MAP3K4: variants seen among roughly 807,000 people sequenced by gnomAD.
MAP3K4 encodes MAP three kinase 1.
Under a neutral mutation model 185.6 loss-of-function variants are expected in MAP3K4, and 67 were observed. The observed-to-expected ratio is 0.36, with a 90% CI of 0.30 to 0.44. The LOEUF (loss-of-function observed/expected upper bound fraction) is 0.44. Ranked by LOEUF, MAP3K4 falls within the 20% of genes least tolerant of loss-of-function variation. The pLI is 1.00. For missense variants in MAP3K4, 1,551 were observed against 1,995.1 expected (o/e 0.78, Z 4.24); for synonymous variants, 702 against 710.4 (o/e 0.99, Z 0.19).
intron 1 of MAP3K4, among the ~76,000 whole-genome samples, chr6:161,024,150 C>G (rs1782531219): frequency 6.6e-6 from 1 of 151,894 alleles, no homozygotes; most frequent in Non-Finnish European, 1.5e-5. Flanking sequence ...TGTTTTTTTG[C>G]AGAGATTTGT....
At chr6:161,041,942 G>GTTT (rs1783485799) in intron 2 of MAP3K4, among the ~76,000 whole-genome samples, 1 of 88,814 alleles carries the variant, frequency 1.1e-5, no homozygotes, top group Non-Finnish European at 2.0e-5. Context: ...TTTTTTTTTA[G>GTTT]AGATGGGGTC....
chr6:161,104,430 A>C (rs1332394647), intron 19 of MAP3K4, among the ~76,000 whole-genome samples: 1 of 151,192 alleles, frequency 6.6e-6, no homozygotes, highest in Non-Finnish European at 1.5e-5. Context: ...AAAAAAAAAA[A>C]AAAGCAGGCA....
Position 160,991,913 on chromosome 6 carries a change from T to C in MAP3K4, c.-19T>C. ...TGCAGCTTACTGCCCGCCGCGGCCA[T>C]GCGGGGCTCCGTGCACGGATGAGAG... On this transcript the variant is annotated 5_prime_UTR_variant, in exon 1 of 27. The change abolishes an upstream ATG in the 5' untranslated region. Coordinates refer to ENST00000392142, the MANE Select transcript of MAP3K4 (RefSeq NM_005922.4). The surrounding 1 kb of genome is among the most constrained non-coding windows in gnomAD (Gnocchi z 5.7). 1 of 1,509,772 alleles carries C rather than the reference T, an allele frequency of 6.6e-7. No homozygotes were observed. Among genetic ancestry groups the C allele is most frequent in the Non-Finnish European group, 8.8e-7 (1 of 1,137,452 alleles). 93.5% of individuals were successfully genotyped at this position (1,509,772 alleles called of 1,614,324 possible). A position where few individuals can be genotyped will look rare whatever the true frequency, so the allele number is the denominator to read the frequency against.
chr6:161,079,214 A>AAG (rs1241701127), intron 5 of MAP3K4, among the ~76,000 whole-genome samples: 1 of 53,216 alleles, frequency 1.9e-5, no homozygotes, highest in African/African-American at 8.5e-5. Context: ...ACCCTGTCTC[A>AAG]AGAAAAAAAA....
chr6:161,099,037 C>G (rs1777713188), intron 17 of MAP3K4, among the ~76,000 whole-genome samples: 1 of 152,140 alleles, frequency 6.6e-6, no homozygotes. Context: ...GTAGGTTTTC[C>G]CATTCTGGTT....
chr6:161,099,403 T>C (rs1450099917), intron 17 of MAP3K4, among the ~76,000 whole-genome samples: 1 of 152,214 alleles, frequency 6.6e-6, no homozygotes, highest in Non-Finnish European at 1.5e-5. Context: ...TAATTAATAC[T>C]TCTAAATTTT....
intron 4 of MAP3K4, among the ~76,000 whole-genome samples, chr6:161,072,291 A>G (rs940685478): frequency 2.6e-5 from 4 of 152,242 alleles, no homozygotes; most frequent in African/African-American, 9.6e-5. Flanking sequence ...AAAAAAAGAT[A>G]AAAAATCAAA....
At chr6:161,057,470 A>G (rs1475460952) in intron 3 of MAP3K4, among the ~76,000 whole-genome samples, 2 of 152,218 alleles carry the variant, frequency 1.3e-5, no homozygotes, top group Non-Finnish European at 2.9e-5. Flanking sequence ...TTTATCCTAC[A>G]TGGTTTCGAA....
At position 161,007,021 on chromosome 6, in the gene MAP3K4, A is replaced by G. The variant is rs1781620225; in HGVS notation, c.152+14938A>G. ...AACTGTAAAATCAAAAGTAACCAGC[A>G]ACAGAAATAAAGCAAATCTCAGAGT... On this transcript the variant is annotated intron_variant, in intron 1 of 26. Transcript: ENST00000392142. This position sits in a 1 kb window ranked among gnomAD's most constrained non-coding sequence, Gnocchi z 4.5. Among the ~76,000 whole-genome samples the G allele has an allele frequency of 6.6e-6, 1 of 152,214 alleles. No homozygotes were observed.
intron 1 of MAP3K4, among the ~76,000 whole-genome samples, chr6:161,032,333 A>G (rs1242671706): frequency 6.6e-6 from 1 of 152,218 alleles, no homozygotes; most frequent in Non-Finnish European, 1.5e-5. Flanking sequence ...CTCACTGAGC[A>G]CAGTGACCTC....
At chr6:160,997,156 T>TA (rs1171288579) in intron 1 of MAP3K4, among the ~76,000 whole-genome samples, 3 of 152,198 alleles carry the variant, frequency 2.0e-5, no homozygotes, top group African/African-American at 7.2e-5. Context: ...TTTCTTTTTT[T>TA]AAACCTCAGT....
rs922111073 is a variant in MAP3K4 at position 160,991,823 on chromosome 6, G to A, written c.-109G>A. On this transcript the variant is annotated 5_prime_UTR_variant, in exon 1 of 27. Transcript: ENST00000392142. This position sits in a 1 kb window ranked among gnomAD's most constrained non-coding sequence, Gnocchi z 5.7. ...CGCGGCGCGCACGGCTCCTGCGGCG[G>A]GGTAGAGGCGGAGGCGGAGTCGAGT... 4.0e-6 allele frequency: 5 copies of A among 1,254,770 alleles called. No individual in the cohort carries two copies. The highest frequency in any genetic ancestry group is 5.2e-6 in the Non-Finnish European group (5 of 967,546). The allele number at this position is 1,254,770 out of a possible 1,614,324, so 77.7% of individuals were successfully genotyped here.
chr6:161,017,987 T>C lies in MAP3K4; in HGVS notation c.153-16272T>C, dbSNP rs1782193458. 6.6e-6 allele frequency among the ~76,000 whole-genome samples: 1 copy of C among 152,226 alleles called. No homozygotes were observed. Among genetic ancestry groups the C allele is most frequent in the South Asian group, 2.1e-4 (1 of 4,828 alleles). On this transcript the variant is annotated intron_variant, in intron 1 of 26. Coordinates refer to ENST00000392142, the MANE Select transcript of MAP3K4 (RefSeq NM_005922.4). The surrounding 1 kb of genome is among the most constrained non-coding windows in gnomAD (Gnocchi z 5.1). ...ACGCTATTTGGAATAGACTTGAGTA[T>C]AGAGTGACTGTTTCAGATATTAGAC...
rs762765328 is a variant in MAP3K4 at position 161,080,294 on chromosome 6, G to A, written c.2098-587G>A. On this transcript the variant is annotated intron_variant, in intron 5 of 26. Coordinates refer to ENST00000392142, the MANE Select transcript of MAP3K4 (RefSeq NM_005922.4). The surrounding 1 kb of genome is among the most constrained non-coding windows in gnomAD (Gnocchi z 4.8). ...CTGACCACGGGATAAATCTAAAGGA[G>A]GATTTAAGAACGGGAAAGCTGTTGT... 3.3e-5 allele frequency among the ~76,000 whole-genome samples: 5 copies of A among 152,212 alleles called. No individual in the cohort carries two copies. Among genetic ancestry groups the A allele is most frequent in the Non-Finnish European group, 7.3e-5 (5 of 68,044 alleles).
At chr6:161,020,314 A>C (rs1043337164) in intron 1 of MAP3K4, among the ~76,000 whole-genome samples, 2 of 151,972 alleles carry the variant, frequency 1.3e-5, no homozygotes, top group Non-Finnish European at 1.5e-5. Context: ...TCGCTCTGTC[A>C]CCCAGGCTGG....
Position 161,074,034 on chromosome 6 carries a change from A to G in MAP3K4, c.2097+422A>G, listed in dbSNP as rs1325072032. On this transcript the variant is annotated intron_variant, in intron 5 of 26. Transcript: ENST00000392142. The surrounding 1 kb of genome is among the most constrained non-coding windows in gnomAD (Gnocchi z 5.0). Reference sequence around the variant, plus strand: ...ATCAGCCATTTTTATAATACCTAGGATGTGCTAGGGACCTTGCATGGCTCT... The same window carrying G: ...ATCAGCCATTTTTATAATACCTAGGGTGTGCTAGGGACCTTGCATGGCTCT... Among the ~76,000 whole-genome samples the G allele has an allele frequency of 6.6e-6, 1 of 152,154 alleles. No homozygotes were observed. The highest frequency in any genetic ancestry group is 6.5e-5 in the Admixed American group (1 of 15,284).
At chr6:161,044,586 T>C (rs1783633726) in intron 2 of MAP3K4, among the ~76,000 whole-genome samples, 1 of 152,206 alleles carries the variant, frequency 6.6e-6, no homozygotes, top group Middle Eastern at 3.2e-3. Context: ...TATGATTTTA[T>C]AGAGGCCTAA....
chr6:161,024,389 A>G (rs897051209), intron 1 of MAP3K4, among the ~76,000 whole-genome samples: 5 of 151,912 alleles, frequency 3.3e-5, no homozygotes, highest in African/African-American at 9.7e-5. Flanking sequence ...GTCACGACTA[A>G]TGAACCAATA....
At chr6:161,016,640 A>G (rs993577574) in intron 1 of MAP3K4, among the ~76,000 whole-genome samples, 4 of 152,206 alleles carry the variant, frequency 2.6e-5, no homozygotes, top group African/African-American at 9.6e-5. Flanking sequence ...TTGAAAATCC[A>G]TTGACCCTAG....
Sources: allele counts gnomAD v4.1 joint callset (sites outside exome capture counted in the v4.1 genomes callset), GRCh38; gene constraint gnomAD v4.1.1; non-coding constraint Gnocchi (gnomAD v3.1); transcripts MANE v1.5; gene names NCBI Gene and HGNC (gene_info 2026-07-23, HGNC 2026-07-21).